Variants in MAGI1 observed in about 807,000 individuals in gnomAD.
MAGI1 encodes membrane associated guanylate kinase, WW and PDZ domain containing 1.
In MAGI1, 58 loss-of-function variants were observed where a neutral mutation model predicts 139.9. That is an observed-to-expected ratio of 0.41 (90% CI 0.34 to 0.52). The LOEUF (loss-of-function observed/expected upper bound fraction) is 0.52. Ranked by LOEUF, MAGI1 falls within the 20% of genes least tolerant of loss-of-function variation. MAGI1 has a pLI of 0.12. For synonymous variants in MAGI1, 812 were observed against 737.9 expected, an observed-to-expected ratio of 1.10 and a Z score of -1.63; for missense variants, 1,874 against 1,901.6, an observed-to-expected ratio of 0.99 and a Z score of 0.27.
At chr3:65,485,697 T>A (rs1389511802) in intron 3 of MAGI1, among the ~76,000 whole-genome samples, 3 of 152,194 alleles carry the variant, frequency 2.0e-5, no homozygotes, top group African/African-American at 7.2e-5. Context: ...ACATATTAAG[T>A]GTCACTACGC....
chr3:65,524,595 G>T (rs2078303887), intron 2 of MAGI1, among the ~76,000 whole-genome samples: 1 of 152,136 alleles, frequency 6.6e-6, no homozygotes, highest in Admixed American at 6.5e-5. Flanking sequence ...TAGAAACAAT[G>T]AATAAATGCA....
At chr3:65,601,770 A>T (rs2082494697) in intron 2 of MAGI1, among the ~76,000 whole-genome samples, 1 of 152,104 alleles carries the variant, frequency 6.6e-6, no homozygotes, top group African/African-American at 2.4e-5. Context: ...GTGTATTAAA[A>T]TTTAAAACTT....
At chr3:65,463,890 C>T (rs1352462550) in intron 5 of MAGI1, among the ~76,000 whole-genome samples, 1 of 145,654 alleles carries the variant, frequency 6.9e-6, no homozygotes, top group East Asian at 1.9e-4. Flanking sequence ...TCCATTTCTT[C>T]TAGATTTTCT....
intron 2 of MAGI1, among the ~76,000 whole-genome samples, chr3:65,520,873 C>T (rs1031480391): frequency 3.9e-5 from 6 of 152,304 alleles, no homozygotes; most frequent in East Asian, 3.9e-4. Context: ...AACTCAATAT[C>T]ACCAACCCTC....
intron 2 of MAGI1, among the ~76,000 whole-genome samples, chr3:65,500,064 C>G (rs2077024551): frequency 6.6e-6 from 1 of 152,178 alleles, no homozygotes; most frequent in South Asian, 2.1e-4. Context: ...TAGACTCCAG[C>G]TGAATCACAC....
At chr3:65,963,868 A>G (rs1048410064) in intron 1 of MAGI1, among the ~76,000 whole-genome samples, 4 of 152,168 alleles carry the variant, frequency 2.6e-5, no homozygotes, top group Admixed American at 6.5e-5. Context: ...GTACTTAATG[A>G]TATCTGTGGA....
At position 66,015,283 on chromosome 3, in the gene MAGI1, C is replaced by T. The variant is rs1010076567; in HGVS notation, c.313+22713G>A. 3.3e-5 allele frequency among the ~76,000 whole-genome samples: 5 copies of T among 151,798 alleles called. No homozygotes were observed. The South Asian group carries it at 6.2e-4, about 19-fold the overall frequency. On this transcript the variant is annotated intron_variant, in intron 1 of 22. Transcript: ENST00000402939. ...GACAGCTATGGTAAATAAAAATAAG[C>T]TTTGGATATATAAAAGACCTGGATA...
chr3:65,851,453 A>C (rs766650251), intron 1 of MAGI1, among the ~76,000 whole-genome samples: 30 of 152,234 alleles, frequency 2.0e-4, no homozygotes, highest in Middle Eastern at 3.4e-3. Flanking sequence ...TAAATAAAAA[A>C]AAATCTGTTA....
chr3:65,962,101 C>T (rs115816602), intron 1 of MAGI1, among the ~76,000 whole-genome samples: 1,742 of 150,530 alleles, frequency 0.012, 35 homozygotes, highest in African/African-American at 0.034. Flanking sequence ...TGTTTGTTCT[C>T]ATGGACATTA....
At chr3:65,841,711 C>G (rs960692076) in intron 1 of MAGI1, among the ~76,000 whole-genome samples, 2 of 152,124 alleles carry the variant, frequency 1.3e-5, no homozygotes, top group African/African-American at 4.8e-5. Context: ...CAGGCATGAG[C>G]CACCGTGCTC....
intron 2 of MAGI1, among the ~76,000 whole-genome samples, chr3:65,586,053 T>TA (rs2106691043): frequency 6.6e-6 from 1 of 152,034 alleles, no homozygotes; most frequent in African/African-American, 2.4e-5. Flanking sequence ...ACAAAAAATT[T>TA]AAAAAATTAT....
At chr3:65,728,919 TCTC>T (rs902618487) in intron 1 of MAGI1, among the ~76,000 whole-genome samples, 8 of 152,018 alleles carry the variant, frequency 5.3e-5, no homozygotes, top group Non-Finnish European at 1.2e-4. Context: ...TCATATGACA[TCTC>T]CTCACAAAAT....
At position 65,724,395 on chromosome 3, in the gene MAGI1, C is replaced by A. The variant is rs544636432; in HGVS notation, c.314-102307G>T. On this transcript the variant is annotated intron_variant, in intron 1 of 22. Transcript: ENST00000402939. ...CTACCATTATTCTCAATCACCTGAG[C>A]ATAGCCATAACTTCACCTGAGTATA... Among the ~76,000 whole-genome samples the A allele has an allele frequency of 2.0e-5, 3 of 152,336 alleles. No individual in the cohort carries two copies. The South Asian group carries it at 6.2e-4, about 32-fold the overall frequency.
chr3:65,535,248 G>A (rs1305969888), intron 2 of MAGI1, among the ~76,000 whole-genome samples: 1 of 152,084 alleles, frequency 6.6e-6, no homozygotes, highest in African/African-American at 2.4e-5. Flanking sequence ...CTAAAAGCCT[G>A]GTGCAGGAAT....
chr3:65,950,068 A>AC (rs2063737943), intron 1 of MAGI1, among the ~76,000 whole-genome samples: 9 of 4,824 alleles, frequency 1.9e-3, no homozygotes, highest in Admixed American at 4.4e-3. Flanking sequence ...ACAAAAAAAC[A>AC]AAAAAAAAAC....
intron 12 of MAGI1, among the ~76,000 whole-genome samples, chr3:65,425,486 G>T (rs908463427): frequency 2.6e-5 from 4 of 152,054 alleles, no homozygotes; most frequent in Admixed American, 6.6e-5. Context: ...AGCCAGAATG[G>T]AGTGCCTGAA....
chr3:65,552,259 G>GGTGTGT lies in MAGI1; in HGVS notation c.431-58634_431-58629dup, dbSNP rs10576104. On this transcript the variant is annotated intron_variant, in intron 2 of 22. Transcript: ENST00000402939. ...GGCTCAGCTCAGGAGTGTGTATAGG[G>GGTGTGT]GTGTGTGTGTGTGTGTGTGTGTGTG... Among the ~76,000 whole-genome samples, 1,121 of 148,038 alleles carry GGTGTGT rather than the reference G, an allele frequency of 7.6e-3. 14 individuals carry two copies. Among genetic ancestry groups the GGTGTGT allele is most frequent in the African/African-American group, 0.02 (819 of 40,262 alleles).
At chr3:65,926,942 C>T (rs887936978) in intron 1 of MAGI1, among the ~76,000 whole-genome samples, 2 of 152,278 alleles carry the variant, frequency 1.3e-5, no homozygotes, top group African/African-American at 2.4e-5. Flanking sequence ...TTGCAGTGAG[C>T]CGAGATTGCG....
At chr3:66,005,336 T>G (rs1398181357) in intron 1 of MAGI1, among the ~76,000 whole-genome samples, 1 of 152,198 alleles carries the variant, frequency 6.6e-6, no homozygotes, top group Non-Finnish European at 1.5e-5. Context: ...GCCCATATCT[T>G]GATTTTCTTT....
Sources: gnomAD v4.1 joint callset for allele counts (sites outside exome capture counted in the v4.1 genomes callset) on GRCh38, gnomAD v4.1.1 for gene constraint, MANE v1.5 for transcripts, NCBI Gene and HGNC (gene_info 2026-07-23, HGNC 2026-07-21) for gene names.